The following NSMCE2 variants were observed in gnomAD, a reference collection of about 807,000 sequenced individuals.
NSMCE2 encodes the protein E3 SUMO-protein ligase NSE2.
NSMCE2 carries 24 observed loss-of-function variants against 23.8 expected under a neutral mutation model. The observed-to-expected ratio is 1.01, with a 90% CI of 0.73 to 1.42. The LOEUF is 1.42. Ranked by LOEUF, NSMCE2 falls within the 40% of genes most tolerant of loss-of-function variation. NSMCE2 has a pLI of 0.00. For synonymous variants in NSMCE2, 92 were observed against 94.1 expected, an observed-to-expected ratio of 0.98 and a Z score of 0.13; for missense variants, 284 against 296.5, an observed-to-expected ratio of 0.96 and a Z score of 0.31.
intron 4 of NSMCE2, among the ~76,000 whole-genome samples, chr8:125,165,444 A>G (rs1586548438): frequency 1.3e-5 from 2 of 152,220 alleles, no homozygotes; most frequent in East Asian, 3.8e-4. Context: ...AGTAAAATAT[A>G]TGGGAGAATT....
intron 5 of NSMCE2, among the ~76,000 whole-genome samples, chr8:125,253,776 C>T (rs1478866108): frequency 6.6e-6 from 1 of 152,098 alleles, no homozygotes; most frequent in Non-Finnish European, 1.5e-5. Flanking sequence ...AATTACTATT[C>T]CATTTCCTAA....
At chr8:125,357,165 C>T (rs1813315933) in intron 5 of NSMCE2, 54 bp from the exon 6 acceptor site, 6 of 1,187,130 alleles carry the variant, frequency 5.1e-6, no homozygotes, top group Middle Eastern at 1.9e-4. Flanking sequence ...TCCATTCCTT[C>T]CTTTTCTTTG....
At chr8:125,223,872 C>G (rs548693841) in intron 5 of NSMCE2, among the ~76,000 whole-genome samples, 54 of 136,140 alleles carry the variant, frequency 4.0e-4, no homozygotes, top group African/African-American at 1.4e-3. Context: ...AGTATAGTGG[C>G]GCAATCATAG....
At chr8:125,349,010 AACACACACACAC>A (rs35429077) in intron 5 of NSMCE2, 13,241 of 129,374 alleles carry the variant, frequency 0.1, 685 homozygotes, top group African/African-American at 0.14. Flanking sequence ...CTCAAAGCAA[AACACACACACAC>A]ACACACACAC....
chr8:125,337,884 CAAAAAAAAAA>C (rs35658538), intron 5 of NSMCE2, among the ~76,000 whole-genome samples: 1 of 97,376 alleles, frequency 1.0e-5, no homozygotes, highest in African/African-American at 4.0e-5. Flanking sequence ...AACTCTATCT[CAAAAAAAAAA>C]AAAAAAAAAA....
Position 125,102,372 on chromosome 8 carries a change from C to A in NSMCE2, c.42C>A (p.Phe14Leu). ...RSSSNSGSTG[F>L]ISFSGVESAL... ...GTTCAAATTCAGGTTCAACTGGTTT[C>A]ATCTCCTTCAGTGGTGTAGAGTCTG... Residue 14 changes from phenylalanine (F) to leucine (L), a missense_variant, in exon 3 of 8, where the codon TTC becomes TTA. By Grantham distance (22) the Phe-to-Leu change is conservative. Transcript: ENST00000287437. The A allele has an allele frequency of 6.2e-7, 1 of 1,613,748 alleles. No individual in the cohort carries two copies. The highest frequency in any genetic ancestry group is 8.5e-7 in the Non-Finnish European group (1 of 1,179,634).
chr8:125,238,928 G>A (rs909912847), intron 5 of NSMCE2, among the ~76,000 whole-genome samples: 5 of 152,146 alleles, frequency 3.3e-5, no homozygotes, highest in African/African-American at 1.2e-4. Context: ...TATTGTTACA[G>A]AGCTGTTCTT....
At chr8:125,265,095 G>A (rs1326223291) in intron 5 of NSMCE2, among the ~76,000 whole-genome samples, 1 of 152,048 alleles carries the variant, frequency 6.6e-6, no homozygotes, top group South Asian at 2.1e-4. Flanking sequence ...AACAGGGCCA[G>A]GATTAAGGAG....
chr8:125,102,548 A>G, intron 3 of NSMCE2, 61 bp downstream of exon 3: 1 of 1,370,942 alleles, frequency 7.3e-7, no homozygotes, highest in Non-Finnish European at 1.0e-6. Flanking sequence ...GGTGGTATTT[A>G]TCTGGGGGTG....
intron 5 of NSMCE2, among the ~76,000 whole-genome samples, chr8:125,317,973 G>C (rs1033057701): frequency 3.3e-5 from 5 of 152,136 alleles, no homozygotes; most frequent in African/African-American, 9.7e-5. Context: ...ATGTGATAGA[G>C]GATTAATTTC....
intron 5 of NSMCE2, among the ~76,000 whole-genome samples, chr8:125,213,493 TC>T: frequency 3.5e-5 from 1 of 28,668 alleles, no homozygotes; most frequent in Non-Finnish European, 6.5e-5. Context: ...ATGTCTCCTC[TC>T]CTCTCCTCTC....
chr8:125,297,500 A>G (rs1224280965), intron 5 of NSMCE2, among the ~76,000 whole-genome samples: 1 of 152,140 alleles, frequency 6.6e-6, no homozygotes, highest in Non-Finnish European at 1.5e-5. Context: ...GCTTCTCCAC[A>G]TTAGCTCTTC....
intron 3 of NSMCE2, among the ~76,000 whole-genome samples, chr8:125,137,561 A>G (rs1224919206): frequency 6.6e-6 from 1 of 152,034 alleles, no homozygotes; most frequent in African/African-American, 2.4e-5. Context: ...TGATCCCCCT[A>G]ATTCTCTCCT....
intron 4 of NSMCE2, among the ~76,000 whole-genome samples, chr8:125,153,162 A>G (rs1821134200): frequency 6.6e-6 from 1 of 151,530 alleles, no homozygotes; most frequent in East Asian, 1.9e-4. Flanking sequence ...TCTCACATTC[A>G]GTAGTTAACA....
At chr8:125,205,730 A>T (rs926152770) in intron 5 of NSMCE2, among the ~76,000 whole-genome samples, 2 of 152,106 alleles carry the variant, frequency 1.3e-5, no homozygotes, top group Admixed American at 1.3e-4. Context: ...GAAGCAGGGG[A>T]GTGGGGGAGG....
At chr8:125,357,352 C>T (rs1220125051) in intron 6 of NSMCE2, 33 bp downstream of exon 6, 2 of 1,353,256 alleles carry the variant, frequency 1.5e-6, no homozygotes, top group Non-Finnish European at 1.1e-6. Context: ...CTGAAAGAAA[C>T]ACGATTCACT....
At chr8:125,110,881 G>A (rs768144938) in intron 3 of NSMCE2, among the ~76,000 whole-genome samples, 1 of 148,466 alleles carries the variant, frequency 6.7e-6, no homozygotes, top group Admixed American at 6.9e-5. Context: ...GTATGGTCAT[G>A]GGGGGAAGGA....
At chr8:125,298,684 TG>T (rs1179763255) in intron 5 of NSMCE2, among the ~76,000 whole-genome samples, 19 of 134,692 alleles carry the variant, frequency 1.4e-4, no homozygotes, top group Admixed American at 1.3e-3. Flanking sequence ...AATTCATCTG[TG>T]GGTTTTTTTT....
At chr8:125,316,769 TTCTC>T (rs1231810924) in intron 5 of NSMCE2, among the ~76,000 whole-genome samples, 8 of 140,486 alleles carry the variant, frequency 5.7e-5, no homozygotes, top group East Asian at 2.1e-4. Flanking sequence ...CCTTCCTTCC[TTCTC>T]TCTCTCTCTT....
Sources: gnomAD v4.1 joint callset for allele counts (sites outside exome capture counted in the v4.1 genomes callset) on GRCh38, gnomAD v4.1.1 for gene constraint, MANE v1.5 for transcripts, NCBI Gene and HGNC (gene_info 2026-07-23, HGNC 2026-07-21) for gene names.